The following ZFHX3 variants were observed in gnomAD, a reference collection of about 807,000 sequenced individuals.
ZFHX3 encodes the protein zinc finger homeobox 3.
In ZFHX3, 42 loss-of-function variants were observed where a neutral mutation model predicts 279.1. The ratio of observed to expected loss-of-function variants is 0.15; its 90% CI spans 0.12 to 0.19. The LOEUF is 0.19. Among genes scored for constraint, ZFHX3 ranks in the 10% least tolerant of loss-of-function variants. ZFHX3 has a pLI of 1.00. For synonymous variants in ZFHX3, 2,293 were observed against 1,957.8 expected (o/e 1.17, Z -4.52); for missense variants, 4,981 against 4,754.0 (o/e 1.05, Z -1.40).
At chr16:73,841,288 G>T (rs1462330705) in intron 1 of ZFHX3, among the ~76,000 whole-genome samples, 1 of 151,574 alleles carries the variant, frequency 6.6e-6, no homozygotes, top group African/African-American at 2.4e-5. Context: ...GTATTTACTG[G>T]TTGCTGGGTA....
chr16:73,685,135 C>T (rs1449042727), intron 1 of ZFHX3, among the ~76,000 whole-genome samples: 1 of 152,026 alleles, frequency 6.6e-6, no homozygotes, highest in Non-Finnish European at 1.5e-5. Context: ...TTGCCTCAGC[C>T]TCCCGAGTAG....
chr16:73,413,418 G>A (rs2017508874), intron 3 of ZFHX3, among the ~76,000 whole-genome samples: 1 of 152,196 alleles, frequency 6.6e-6, no homozygotes, highest in Admixed American at 6.5e-5. Context: ...AGGGCTCTGG[G>A]CACCTTGCGG....
At chr16:73,242,752 G>A (rs904691978) in intron 5 of ZFHX3, among the ~76,000 whole-genome samples, 1 of 152,192 alleles carries the variant, frequency 6.6e-6, no homozygotes, top group African/African-American at 2.4e-5. Flanking sequence ...ACTGGATGAG[G>A]CTGGTTAATT....
intron 1 of ZFHX3, among the ~76,000 whole-genome samples, chr16:73,861,447 C>T (rs892247942): frequency 2.6e-5 from 4 of 152,092 alleles, no homozygotes; most frequent in African/African-American, 7.2e-5. Flanking sequence ...GGGTGATTTC[C>T]GTGTACAAAT....
chr16:73,557,094 C>CAAAAA lies in ZFHX3; in HGVS notation c.-1546-100841_-1546-100837dup, dbSNP rs397766441. ...TGGGGGACAGAGCAAGACTCCGTCT[C>CAAAAA]AAAAAAAAAAAAAAAAAAAAAAAAA... On this transcript the variant is annotated intron_variant, in intron 2 of 17. Coordinates refer to the ZFHX3 transcript ENST00000641206. 4.1e-4 allele frequency among the ~76,000 whole-genome samples: 28 copies of CAAAAA among 68,546 alleles called. 8 individuals are homozygous for CAAAAA. The highest frequency in any genetic ancestry group is 8.1e-3 in the Middle Eastern group (1 of 124). 45.0% of individuals were successfully genotyped at this position (68,546 alleles called of 152,430 possible). A position where few individuals can be genotyped will look rare whatever the true frequency, so the allele number is the denominator to read the frequency against.
intron 1 of ZFHX3, among the ~76,000 whole-genome samples, chr16:73,032,786 C>T (rs527330063): frequency 2.0e-5 from 3 of 152,180 alleles, no homozygotes; most frequent in East Asian, 1.9e-4. Context: ...TAGTTAGCAA[C>T]GAGAGCGGAT....
chr16:73,197,841 T>C (rs1968182390), intron 5 of ZFHX3, among the ~76,000 whole-genome samples: 2 of 148,944 alleles, frequency 1.3e-5, no homozygotes, highest in African/African-American at 4.9e-5. Flanking sequence ...ATTTCAGGTA[T>C]AAAAGATGCT....
intron 1 of ZFHX3, among the ~76,000 whole-genome samples, chr16:73,747,724 G>A (rs1387115360): frequency 6.6e-6 from 1 of 151,986 alleles, no homozygotes; most frequent in Non-Finnish European, 1.5e-5. Context: ...TATACAACTT[G>A]ATTTCTCCAT....
At chr16:72,974,342 G>A (rs1962248357) in intron 1 of ZFHX3, among the ~76,000 whole-genome samples, 1 of 152,196 alleles carries the variant, frequency 6.6e-6, no homozygotes, top group Admixed American at 6.5e-5. Context: ...ACAGGACAAT[G>A]GGGAAAACCT....
chr16:72,945,083 G>A (rs1292091343), intron 3 of ZFHX3, among the ~76,000 whole-genome samples: 3 of 152,098 alleles, frequency 2.0e-5, no homozygotes, highest in African/African-American at 4.8e-5. Flanking sequence ...TAACCAGAGT[G>A]ACCCACACAA....
intron 1 of ZFHX3, among the ~76,000 whole-genome samples, chr16:73,009,767 T>C (rs1393361761): frequency 2.6e-5 from 4 of 152,162 alleles, no homozygotes; most frequent in Non-Finnish European, 5.9e-5. Context: ...ACACCTGTAA[T>C]TCCAGCACTT....
At position 73,823,421 on chromosome 16, in the gene ZFHX3, G is replaced by C. The variant is rs142681624; in HGVS notation, c.-1608+68230C>G. Among the ~76,000 whole-genome samples the C allele has an allele frequency of 2.4e-3, 365 of 152,290 alleles. 2 individuals are homozygous for C. The highest frequency in any genetic ancestry group is 8.0e-3 in the African/African-American group (332 of 41,554). ...TCAATGACAGATGAAAGGCAACACA[G>C]CCAGACAGAATAAAGCAAGTGCTAA... On this transcript the variant is annotated intron_variant, in intron 1 of 17. Coordinates refer to the ZFHX3 transcript ENST00000641206.
chr16:73,180,574 G>A (rs901293109), intron 5 of ZFHX3, among the ~76,000 whole-genome samples: 1 of 152,136 alleles, frequency 6.6e-6, no homozygotes, highest in Non-Finnish European at 1.5e-5. Context: ...CCCTCTCTGG[G>A]GTGCTCATGT....
At chr16:73,013,249 T>G (rs1963977562) in intron 1 of ZFHX3, among the ~76,000 whole-genome samples, 1 of 152,194 alleles carries the variant, frequency 6.6e-6, no homozygotes, top group African/African-American at 2.4e-5. Context: ...ACACTTGGAT[T>G]CTTTCTTTAC....
At chr16:73,325,920 C>CAAAA (rs1555510200) in intron 3 of ZFHX3, among the ~76,000 whole-genome samples, 2 of 71,352 alleles carry the variant, frequency 2.8e-5, no homozygotes, top group Non-Finnish European at 8.3e-5. Flanking sequence ...CACACACACA[C>CAAAA]ACACACAAAC....
At chr16:73,879,733 G>C (rs909910483) in intron 1 of ZFHX3, among the ~76,000 whole-genome samples, 1 of 152,090 alleles carries the variant, frequency 6.6e-6, no homozygotes, top group African/African-American at 2.4e-5. Flanking sequence ...GGGATTCTCA[G>C]CCTCCACAGT....
intron 5 of ZFHX3, among the ~76,000 whole-genome samples, chr16:73,154,233 G>A (rs1015442390): frequency 2.0e-5 from 3 of 152,170 alleles, no homozygotes; most frequent in East Asian, 1.9e-4. Flanking sequence ...GCCTGCTTCC[G>A]ATGGCCTTTC....
intron 1 of ZFHX3, among the ~76,000 whole-genome samples, chr16:73,022,768 T>A (rs1964348288): frequency 6.6e-6 from 1 of 152,088 alleles, no homozygotes; most frequent in African/African-American, 2.4e-5. Flanking sequence ...TAAGCAACAG[T>A]GAGCTCTGGC....
chr16:73,181,027 G>C, intron 5 of ZFHX3, among the ~76,000 whole-genome samples: 1 of 152,158 alleles, frequency 6.6e-6, no homozygotes, highest in Non-Finnish European at 1.5e-5. Flanking sequence ...ATGTCTTGGA[G>C]TAATTTGTGT....
Sources: allele counts gnomAD v4.1 joint callset (sites outside exome capture counted in the v4.1 genomes callset), GRCh38; gene constraint gnomAD v4.1.1; transcripts MANE v1.5; gene names NCBI Gene and HGNC (gene_info 2026-07-23, HGNC 2026-07-21).